The following COMMD10 variants were observed in gnomAD, a reference collection of about 807,000 sequenced individuals.
COMMD10 encodes the protein COMM domain-containing protein 10.
Under a neutral mutation model 28.9 loss-of-function variants are expected in COMMD10, and 33 were observed. The observed-to-expected ratio is 1.14, with a 90% CI of 0.87 to 1.53. The LOEUF (loss-of-function observed/expected upper bound fraction) is 1.53. Among genes scored for constraint, COMMD10 ranks in the 40% most tolerant of loss-of-function variants. COMMD10 has a pLI of 0.00. For missense variants in COMMD10, 310 were observed against 233.4 expected, an observed-to-expected ratio of 1.33 and a Z score of -2.14; for synonymous variants, 110 against 81.7, an observed-to-expected ratio of 1.35 and a Z score of -1.87.
intron 5 of COMMD10, among the ~76,000 whole-genome samples, chr5:116,252,375 G>C (rs1392472779): frequency 7.2e-6 from 1 of 138,632 alleles, no homozygotes; most frequent in Non-Finnish European, 1.6e-5. Flanking sequence ...GTCCTTGCCT[G>C]TGCCTATGTC....
At chr5:116,266,837 G>A (rs765473460) in intron 5 of COMMD10, among the ~76,000 whole-genome samples, 8 of 151,210 alleles carry the variant, frequency 5.3e-5, no homozygotes, top group Non-Finnish European at 8.8e-5. Context: ...CAGAACCAAA[G>A]ACAAAAACGA....
intron 5 of COMMD10, among the ~76,000 whole-genome samples, chr5:116,280,172 C>T (rs1050058963): frequency 2.6e-5 from 4 of 151,848 alleles, no homozygotes; most frequent in African/African-American, 9.7e-5. Context: ...ACTGACATTT[C>T]GTGGTTCTAC....
At chr5:116,138,074 G>A (rs1752082701) in intron 5 of COMMD10, among the ~76,000 whole-genome samples, 1 of 151,696 alleles carries the variant, frequency 6.6e-6, no homozygotes, top group Non-Finnish European at 1.5e-5. Flanking sequence ...AGTAGTTGAA[G>A]GAAATGCTAA....
intron 5 of COMMD10, among the ~76,000 whole-genome samples, chr5:116,150,211 T>C (rs1752477450): frequency 6.6e-6 from 1 of 152,204 alleles, no homozygotes; most frequent in Non-Finnish European, 1.5e-5. Flanking sequence ...GTTCCATTGA[T>C]CTATATCTCT....
intron 5 of COMMD10, among the ~76,000 whole-genome samples, chr5:116,193,682 T>G (rs369396151): frequency 6.6e-6 from 1 of 151,960 alleles, no homozygotes; most frequent in Admixed American, 6.6e-5. Flanking sequence ...CAATTACTAA[T>G]AGACCTAAGA....
chr5:116,130,335 A>T (rs944954928), intron 4 of COMMD10, among the ~76,000 whole-genome samples: 3 of 151,928 alleles, frequency 2.0e-5, no homozygotes, highest in Non-Finnish European at 4.4e-5. Context: ...GTTATGATAG[A>T]TGGCAAAAAG....
chr5:116,245,509 A>T (rs1296507775), intron 5 of COMMD10, among the ~76,000 whole-genome samples: 1 of 152,142 alleles, frequency 6.6e-6, no homozygotes, highest in African/African-American at 2.4e-5. Flanking sequence ...CATCACCCTG[A>T]TACCAAAACC....
At chr5:116,195,465 G>T (rs139946127) in intron 5 of COMMD10, among the ~76,000 whole-genome samples, 1 of 152,054 alleles carries the variant, frequency 6.6e-6, no homozygotes, top group Non-Finnish European at 1.5e-5. Flanking sequence ...CAAAGTTTCC[G>T]GATACAAGAT....
chr5:116,249,226 T>C (rs983377769), intron 5 of COMMD10, among the ~76,000 whole-genome samples: 1 of 152,070 alleles, frequency 6.6e-6, no homozygotes, highest in Admixed American at 6.6e-5. Flanking sequence ...TTCATTGAAA[T>C]ATTCTTTAAT....
Position 116,202,713 on chromosome 5 carries a change from G to A in COMMD10, c.510+68535G>A, listed in dbSNP as rs1203119016. Among the ~76,000 whole-genome samples, 1,448 of 151,370 alleles carry A rather than the reference G, an allele frequency of 9.6e-3. 16 individuals carry two copies. Among genetic ancestry groups the A allele is most frequent in the African/African-American group, 0.025 (1,005 of 40,914 alleles). On this transcript the variant is annotated intron_variant, in intron 5 of 6. Coordinates refer to ENST00000274458, the MANE Select transcript of COMMD10 (RefSeq NM_016144.4). The stretch of plus-strand genomic sequence containing the variant: ...TGAGAAGTGTCTGTTCATATCCTTT[G>A]CCCACTTTTTGATGGGGTTGTTTGT...
rs1749182937 is a variant in COMMD10, at chr5:116,219,288, C to CTCCCTT, written c.511-72222_511-72217dup. On this transcript the variant is annotated intron_variant, in intron 5 of 6. Coordinates refer to ENST00000274458, the MANE Select transcript of COMMD10 (RefSeq NM_016144.4). ...CTAGCAAACCGATACATACAGTTTT[C>CTCCCTT]TCCCTTTCCCTTCCCCTTCCCCTTC... 3.9e-5 allele frequency among the ~76,000 whole-genome samples: 6 copies of CTCCCTT among 152,096 alleles called. No homozygotes were observed. The South Asian group carries it at 1.2e-3, about 32-fold the overall frequency.
intron 5 of COMMD10, among the ~76,000 whole-genome samples, chr5:116,168,940 A>G (rs896394765): frequency 2.0e-5 from 3 of 152,196 alleles, no homozygotes; most frequent in Non-Finnish European, 4.4e-5. Context: ...AGGAGCAAAC[A>G]AATTCAAAAG....
intron 1 of COMMD10, among the ~76,000 whole-genome samples, chr5:116,087,206 AAATT>A (rs1330126371): frequency 1.3e-5 from 2 of 152,172 alleles, no homozygotes; most frequent in Admixed American, 1.3e-4. Context: ...ACGCTCTACT[AAATT>A]AAGGCTCTTC....
chr5:116,088,288 C>G (rs59583434), intron 2 of COMMD10, among the ~76,000 whole-genome samples: 34,069 of 151,884 alleles, frequency 0.22, 4,861 homozygotes, highest in African/African-American at 0.4. Flanking sequence ...TGTGCCTTTC[C>G]CCTTTGAAGT....
At chr5:116,198,201 G>C (rs1302111895) in intron 5 of COMMD10, among the ~76,000 whole-genome samples, 1 of 151,982 alleles carries the variant, frequency 6.6e-6, no homozygotes. Flanking sequence ...GTACATTTTG[G>C]TTTTTCCCTT....
At chr5:116,086,460 TC>T (rs569780256) in intron 1 of COMMD10, among the ~76,000 whole-genome samples, 16,681 of 104,924 alleles carry the variant, frequency 0.16, 1,330 homozygotes, top group African/African-American at 0.24. Context: ...CTAATCTCTC[TC>T]TCTTTTTTTT....
At chr5:116,099,562 C>T (rs1581024) in intron 4 of COMMD10, among the ~76,000 whole-genome samples, 16,367 of 152,198 alleles carry the variant, frequency 0.11, 976 homozygotes, top group African/African-American at 0.15. Flanking sequence ...TTCCCACCAA[C>T]ACTGTACAAT....
chr5:116,292,540 G>C lies in COMMD10; in HGVS notation c.*51G>C. 6.8e-7 allele frequency: 1 copy of C among 1,472,590 alleles called. No homozygotes were observed. Among genetic ancestry groups the C allele is most frequent in the Non-Finnish European group, 9.2e-7 (1 of 1,085,520 alleles). 91.2% of individuals were successfully genotyped at this position (1,472,590 alleles called of 1,614,324 possible). A position where few individuals can be genotyped will look rare whatever the true frequency, so the allele number is the denominator to read the frequency against. On this transcript the variant is annotated 3_prime_UTR_variant, in exon 7 of 7. Coordinates refer to ENST00000274458, the MANE Select transcript of COMMD10 (RefSeq NM_016144.4). The stretch of plus-strand genomic sequence containing the variant: ...CACGCTCCTGCCACCTCATTATTTT[G>C]CATTGAAGATACATTGCCAGGTTGT...
At chr5:116,098,304 G>C (rs1486980533) in intron 4 of COMMD10, among the ~76,000 whole-genome samples, 1 of 152,110 alleles carries the variant, frequency 6.6e-6, no homozygotes, top group Non-Finnish European at 1.5e-5. Flanking sequence ...GATGAAAAAA[G>C]GTGTACATGC....
Sources: gnomAD v4.1 joint callset for allele counts (sites outside exome capture counted in the v4.1 genomes callset) on GRCh38, gnomAD v4.1.1 for gene constraint, MANE v1.5 for transcripts, NCBI Gene and HGNC (gene_info 2026-07-23, HGNC 2026-07-21) for gene names.